The following TENM4 variants were observed in gnomAD, a reference collection of about 807,000 sequenced individuals.
TENM4 encodes the protein teneurin-4.
In TENM4, 82 loss-of-function variants were observed where a neutral mutation model predicts 243.3. The observed-to-expected ratio is 0.34, with a 90% confidence interval of 0.28 to 0.40. The LOEUF is 0.40. Ranked by LOEUF, TENM4 falls within the 10% of genes least tolerant of loss-of-function variation. The pLI is 1.00. For missense variants in TENM4, 3,138 were observed against 3,673.3 expected (o/e 0.85, Z 3.77); for synonymous variants, 1,412 against 1,456.3 (o/e 0.97, Z 0.69).
chr11:79,383,574 T>A (rs1858050255), intron 1 of TENM4, among the ~76,000 whole-genome samples: 1 of 152,158 alleles, frequency 6.6e-6, no homozygotes, highest in South Asian at 2.1e-4. Context: ...AATCACCACC[T>A]CACTGGTGTG....
At chr11:79,314,031 G>C (rs1856764085) in intron 1 of TENM4, among the ~76,000 whole-genome samples, 2 of 152,146 alleles carry the variant, frequency 1.3e-5, no homozygotes, top group Non-Finnish European at 2.9e-5. Flanking sequence ...AGAATCTAAT[G>C]AGATAATCAT....
At chr11:78,740,453 C>CACGGCAA (rs1163594192) in intron 19 of TENM4, among the ~76,000 whole-genome samples, 3 of 147,458 alleles carry the variant, frequency 2.0e-5, no homozygotes, top group Middle Eastern at 6.9e-3. Flanking sequence ...AATGCAATTA[C>CACGGCAA]ACGGCAAACA....
intron 17 of TENM4, among the ~76,000 whole-genome samples, chr11:78,774,470 T>C (rs145850656): frequency 1.0e-3 from 157 of 152,334 alleles, no homozygotes; most frequent in African/African-American, 3.6e-3. Context: ...CCACCATTCA[T>C]GCTTTCCTAG....
intron 15 of TENM4, among the ~76,000 whole-genome samples, chr11:78,799,941 TTATGAGGCTGAGGAGAGAGGC>T (rs1251590450): frequency 6.6e-6 from 1 of 151,882 alleles, no homozygotes; most frequent in Admixed American, 6.6e-5. Flanking sequence ...AGGAATAAAT[TTATGAGGCTGAGGAGAGAGGC>T]TATGGGGGTA....
chr11:79,227,536 C>T (rs1245580992), intron 2 of TENM4, among the ~76,000 whole-genome samples: 1 of 152,168 alleles, frequency 6.6e-6, no homozygotes, highest in African/African-American at 2.4e-5. Flanking sequence ...TAAAGAGCCC[C>T]TTACAGCACT....
intron 6 of TENM4, chr11:78,924,739 T>A (rs1163315026): frequency 6.6e-6 from 1 of 152,214 alleles, no homozygotes; most frequent in East Asian, 1.9e-4. Context: ...AGGAGCTGAA[T>A]TTCCCAACTG....
rs1863334407 is a variant in TENM4 at position 79,183,891 on chromosome 11, T to C, written c.-163+31917A>G. 2.0e-5 allele frequency among the ~76,000 whole-genome samples: 3 copies of C among 152,306 alleles called. No homozygotes were observed. In the South Asian group the frequency reaches 6.2e-4, roughly 32 times the overall value. ...AAAAATGTAGAAAAATTGGAACCCT[T>C]GTGCATTACTGGTGGGAATGTAAAA... On this transcript the variant is annotated intron_variant, in intron 3 of 33. Transcript: ENST00000278550.
At chr11:79,106,203 C>A (rs1861362272) in intron 4 of TENM4, among the ~76,000 whole-genome samples, 1 of 152,174 alleles carries the variant, frequency 6.6e-6, no homozygotes, top group Non-Finnish European at 1.5e-5. Flanking sequence ...AAGGCAGGAT[C>A]CTAACTCAAG....
chr11:78,837,520 G>C (rs1858144021), intron 12 of TENM4, among the ~76,000 whole-genome samples: 1 of 152,186 alleles, frequency 6.6e-6, no homozygotes, highest in Admixed American at 6.5e-5. Flanking sequence ...CAGCTTGGTA[G>C]ATCCACTGGA....
chr11:79,191,205 T>G (rs1863480104), intron 3 of TENM4, among the ~76,000 whole-genome samples: 1 of 104,698 alleles, frequency 9.6e-6, no homozygotes, highest in Non-Finnish European at 1.9e-5. Flanking sequence ...TGCTGCCATC[T>G]CGGCTCGCTG....
At chr11:78,727,499 A>AT (rs1855543922) in intron 22 of TENM4, among the ~76,000 whole-genome samples, 1 of 152,186 alleles carries the variant, frequency 6.6e-6, no homozygotes, top group Non-Finnish European at 1.5e-5. Flanking sequence ...ACAGAATCAC[A>AT]TATGACTTTT....
chr11:78,706,205 G>A (rs1859244261), intron 27 of TENM4, among the ~76,000 whole-genome samples: 1 of 151,996 alleles, frequency 6.6e-6, no homozygotes, highest in Non-Finnish European at 1.5e-5. Flanking sequence ...AGAGCGCCTG[G>A]CCCATACTAA....
At chr11:79,087,116 G>T (rs1396518174) in intron 4 of TENM4, among the ~76,000 whole-genome samples, 3 of 152,124 alleles carry the variant, frequency 2.0e-5, no homozygotes, top group Non-Finnish European at 4.4e-5. Flanking sequence ...ATGGCTAATT[G>T]AACAAATGAA....
chr11:79,315,908 C>A lies in TENM4; in HGVS notation c.-320-18365G>T, dbSNP rs541285359. Among the ~76,000 whole-genome samples the A allele has an allele frequency of 2.6e-5, 4 of 152,308 alleles. No homozygotes were observed. The East Asian group carries it at 7.7e-4, about 29-fold the overall frequency. ...GGTGCAAAAGTAATTGCACTTTCTG[C>A]TATTACATTTAATGCATTACTTTTC... On this transcript the variant is annotated intron_variant, in intron 1 of 33. Transcript: ENST00000278550.
chr11:79,230,920 C>T (rs1269714305), intron 2 of TENM4, among the ~76,000 whole-genome samples: 1 of 152,150 alleles, frequency 6.6e-6, no homozygotes, highest in Non-Finnish European at 1.5e-5. Flanking sequence ...CTAACAAGAG[C>T]CCTTAGGCTG....
chr11:79,431,518 T>C (rs1859168314), intron 1 of TENM4, among the ~76,000 whole-genome samples: 1 of 152,224 alleles, frequency 6.6e-6, no homozygotes, highest in Non-Finnish European at 1.5e-5. Flanking sequence ...TACTGACAGT[T>C]ACTGCCAAAT....
chr11:78,780,265 T>G (rs960307320), intron 16 of TENM4, among the ~76,000 whole-genome samples: 3 of 152,258 alleles, frequency 2.0e-5, no homozygotes, highest in Non-Finnish European at 4.4e-5. Context: ...TTGGCTTATC[T>G]GTCACTTTAG....
chr11:78,843,666 G>T (rs1319931320), intron 12 of TENM4, among the ~76,000 whole-genome samples: 1 of 152,172 alleles, frequency 6.6e-6, no homozygotes, highest in African/African-American at 2.4e-5. Context: ...AGTTCCTTAT[G>T]AACTCTGAAG....
rs1036667846 is a variant in TENM4 at position 79,322,903 on chromosome 11, G to A, written c.-320-25360C>T. 2.0e-5 allele frequency among the ~76,000 whole-genome samples: 3 copies of A among 152,320 alleles called. No homozygotes were observed. The South Asian group carries it at 6.2e-4, about 32-fold the overall frequency. ...TAAAAAGGACCTTGTAAACCAGAGG[G>A]TTTTAACCCAGTACCTTCACCTCCT... is the stretch of plus-strand genomic sequence containing the variant. On this transcript the variant is annotated intron_variant, in intron 1 of 33. Transcript: ENST00000278550.
Sources: gnomAD v4.1 joint callset for allele counts (sites outside exome capture counted in the v4.1 genomes callset) on GRCh38, gnomAD v4.1.1 for gene constraint, MANE v1.5 for transcripts, NCBI Gene and HGNC (gene_info 2026-07-23, HGNC 2026-07-21) for gene names.